The following PTPRA variants were observed in gnomAD, a reference collection of about 807,000 sequenced individuals.
The protein encoded by PTPRA is protein tyrosine phosphatase receptor type A.
A neutral mutation model predicts 104.8 loss-of-function variants in PTPRA; 25 were observed. That is an observed-to-expected ratio of 0.24 (90% CI 0.17 to 0.33). The LOEUF (loss-of-function observed/expected upper bound fraction) is 0.33, where lower values mean the gene tolerates loss of function less well. PTPRA is among the 10% of genes least tolerant of loss of function. The pLI is 1.00. For synonymous variants in PTPRA, 323 were observed against 368.9 expected, an observed-to-expected ratio of 0.88 and a Z score of 1.43; for missense variants, 765 against 1,015.3, an observed-to-expected ratio of 0.75 and a Z score of 3.35.
rs538574356 is a variant in PTPRA at position 3,021,063 on chromosome 20, T to C, written c.1042-246T>C. 3.9e-5 allele frequency among the ~76,000 whole-genome samples: 6 copies of C among 152,218 alleles called. No individual in the cohort carries two copies. In the East Asian group the frequency reaches 1.2e-3, roughly 29 times the overall value. On this transcript the variant is annotated intron_variant, in intron 13 of 23. Transcript: ENST00000399903. ...ACCAAGGGAGTGTGGGTGGGAAACA[T>C]TGAGAAGTATGGGGCTAGGGCTGTG...
chr20:2,965,349 G>T, intron 5 of PTPRA, 147 bp downstream of exon 5: 1 of 755,430 alleles, frequency 1.3e-6, no homozygotes, highest in Non-Finnish European at 2.1e-6. Context: ...GAATTTTTGG[G>T]TTAGCATGAG....
intron 9 of PTPRA, among the ~76,000 whole-genome samples, chr20:2,999,870 C>G (rs2063554316): frequency 2.0e-5 from 3 of 152,152 alleles, no homozygotes. Flanking sequence ...TGCAAAACCT[C>G]TGTTCATAAA....
intron 1 of PTPRA, among the ~76,000 whole-genome samples, chr20:2,920,664 T>C (rs888100183): frequency 1.3e-5 from 2 of 151,948 alleles, no homozygotes; most frequent in African/African-American, 4.8e-5. Context: ...TTTGAGATCA[T>C]TGTTGACTGA....
chr20:3,015,042 C>T (rs2064368180), intron 11 of PTPRA, among the ~76,000 whole-genome samples: 2 of 152,324 alleles, frequency 1.3e-5, no homozygotes, highest in Non-Finnish European at 2.9e-5. Context: ...TCTTGTTAAA[C>T]ACTGGGAGCT....
At chr20:2,951,669 C>T (rs774403157) in intron 3 of PTPRA, among the ~76,000 whole-genome samples, 2 of 152,196 alleles carry the variant, frequency 1.3e-5, no homozygotes, top group Non-Finnish European at 2.9e-5. Flanking sequence ...CACATAAAGG[C>T]TCTTGCCCAT....
intron 1 of PTPRA, among the ~76,000 whole-genome samples, chr20:2,900,868 A>C (rs1160677317): frequency 1.3e-5 from 2 of 151,906 alleles, no homozygotes; most frequent in Non-Finnish European, 2.9e-5. Context: ...AAAAAAAAAA[A>C]AAAATAGCTT....
intron 5 of PTPRA, among the ~76,000 whole-genome samples, chr20:2,972,484 T>C (rs2062231160): frequency 6.6e-6 from 1 of 152,242 alleles, no homozygotes; most frequent in Non-Finnish European, 1.5e-5. Flanking sequence ...ATTATAGGCA[T>C]GAGCCAAGGC....
intron 3 of PTPRA, among the ~76,000 whole-genome samples, chr20:2,949,398 A>C (rs2061275806): frequency 6.6e-6 from 1 of 151,764 alleles, no homozygotes; most frequent in African/African-American, 2.4e-5. Context: ...CTATGTAAAC[A>C]ATCAGATTTT....
rs193118357 is a variant in PTPRA at position 2,951,050 on chromosome 20, A to G, written c.-7+3026A>G. ...TTTTCTAGAGTTTTATACAAGTGAA[A>G]TCATGTAGTATAGTATTAACCATGT... On this transcript the variant is annotated intron_variant, in intron 3 of 23. Coordinates refer to ENST00000399903, the MANE Select transcript of PTPRA (RefSeq NM_001385305.1). Among the ~76,000 whole-genome samples the G allele has an allele frequency of 5.5e-3, 835 of 152,202 alleles. 6 individuals carry two copies. The highest frequency in any genetic ancestry group is 0.014 in the Middle Eastern group (4 of 294).
At chr20:2,980,937 G>A (rs1017306565) in intron 6 of PTPRA, among the ~76,000 whole-genome samples, 12 of 152,094 alleles carry the variant, frequency 7.9e-5, no homozygotes, top group African/African-American at 2.9e-4. Context: ...TTCAGTGATG[G>A]CTCAGGAAAA....
At chr20:2,910,894 C>T (rs1374114849) in intron 1 of PTPRA, among the ~76,000 whole-genome samples, 3 of 149,670 alleles carry the variant, frequency 2.0e-5, no homozygotes, top group Non-Finnish European at 4.4e-5. Context: ...TGTGAGCCAC[C>T]GCACCCGGCC....
At position 3,020,738 on chromosome 20, in the gene PTPRA, G is replaced by A. The variant is rs144649613; in HGVS notation, c.1042-571G>A. On this transcript the variant is annotated intron_variant, in intron 13 of 23. Coordinates refer to ENST00000399903, the MANE Select transcript of PTPRA (RefSeq NM_001385305.1). Reference sequence around the variant, plus strand: ...GGCCCTTGAGTCACCTTGATCCTAGGGTATCGGGTGTCATGATCAACAGCT... The same window carrying A: ...GGCCCTTGAGTCACCTTGATCCTAGAGTATCGGGTGTCATGATCAACAGCT... Among the ~76,000 whole-genome samples the A allele has an allele frequency of 4.3e-3, 662 of 152,302 alleles. 9 individuals are homozygous for A. The highest frequency in any genetic ancestry group is 0.015 in the African/African-American group (625 of 41,568).
intron 20 of PTPRA, among the ~76,000 whole-genome samples, chr20:3,032,752 G>A (rs2065558852): frequency 6.7e-6 from 1 of 148,922 alleles, no homozygotes; most frequent in Admixed American, 6.7e-5. Flanking sequence ...GTGGCAGAGT[G>A]AGACTCCATC....
At chr20:2,995,690 C>T (rs776208747) in intron 9 of PTPRA, among the ~76,000 whole-genome samples, 1 of 152,132 alleles carries the variant, frequency 6.6e-6, no homozygotes, top group South Asian at 2.1e-4. Context: ...TTCAGCAACT[C>T]GCAAAATTTG....
intron 6 of PTPRA, among the ~76,000 whole-genome samples, chr20:2,982,287 C>T (rs1382711495): frequency 6.6e-6 from 1 of 151,974 alleles, no homozygotes; most frequent in African/African-American, 2.4e-5. Flanking sequence ...CGGGGTTTCA[C>T]CATATTGGCC....
upstream of PTPRA, among the ~76,000 whole-genome samples, chr20:2,868,619 T>G (rs1410471587): frequency 6.8e-5 from 1 of 14,606 alleles, no homozygotes. Flanking sequence ...CATTCTGGGC[T>G]TTTTTTTTTT....
chr20:2,969,650 CAA>C, intron 5 of PTPRA, among the ~76,000 whole-genome samples: 1 of 53,348 alleles, frequency 1.9e-5, no homozygotes, highest in African/African-American at 8.1e-5. Flanking sequence ...GTCAGGAGAT[CAA>C]GACCCTCCTG....
chr20:3,019,474 C>T (rs564448824), intron 13 of PTPRA, among the ~76,000 whole-genome samples: 3 of 151,314 alleles, frequency 2.0e-5, no homozygotes, highest in South Asian at 4.2e-4. Context: ...ACATCCCGGA[C>T]GGGGCGGCAG....
intron 1 of PTPRA, among the ~76,000 whole-genome samples, chr20:2,897,609 A>T (rs1290122238): frequency 7.9e-5 from 12 of 151,850 alleles, no homozygotes; most frequent in Admixed American, 7.9e-4. Context: ...GCTGGTCTTG[A>T]ACTCTTGACC....
Sources: allele counts gnomAD v4.1 joint callset (sites outside exome capture counted in the v4.1 genomes callset), GRCh38; gene constraint gnomAD v4.1.1; transcripts MANE v1.5; gene names NCBI Gene and HGNC (gene_info 2026-07-23, HGNC 2026-07-21).